Variants in SPATA6 observed in about 807,000 individuals in gnomAD.
The protein encoded by SPATA6 is spermatogenesis-associated protein 6.
A neutral mutation model predicts 65.3 loss-of-function variants in SPATA6; 56 were observed. That is an observed-to-expected ratio of 0.86 (90% confidence interval 0.69 to 1.07). The LOEUF is 1.07. Ranked by LOEUF, SPATA6 falls within the 50% of genes least tolerant of loss-of-function variation. The pLI is 0.00. For synonymous variants in SPATA6, 199 were observed against 213.2 expected, an observed-to-expected ratio of 0.93 and a Z score of 0.58; for missense variants, 590 against 594.8, an observed-to-expected ratio of 0.99 and a Z score of 0.08.
chr1:48,434,259 G>GAAAAAAAAAAAAAAAAAAAAAAAAA (rs530291772), intron 3 of SPATA6, among the ~76,000 whole-genome samples: 1 of 109,896 alleles, frequency 9.1e-6, no homozygotes, highest in Non-Finnish European at 1.8e-5. Flanking sequence ...AGCAGTGAAA[G>GAAAAAAAAAAAAAAAAAAAAAAAAA]AAAAAAAAAA....
intron 9 of SPATA6, among the ~76,000 whole-genome samples, chr1:48,384,575 G>T (rs1222356759): frequency 6.6e-6 from 1 of 152,014 alleles, no homozygotes; most frequent in Non-Finnish European, 1.5e-5. Context: ...TACCCAAAAT[G>T]ATTTTAGAAG....
At chr1:48,456,285 G>A (rs948083118) in intron 1 of SPATA6, among the ~76,000 whole-genome samples, 8 of 152,174 alleles carry the variant, frequency 5.3e-5, no homozygotes, top group African/African-American at 1.7e-4. Flanking sequence ...ATTGAGCAAA[G>A]CCATCAGTGG....
intron 5 of SPATA6, among the ~76,000 whole-genome samples, chr1:48,404,802 C>G (rs1452248714): frequency 3.3e-5 from 5 of 152,186 alleles, no homozygotes; most frequent in Admixed American, 3.3e-4. Context: ...ATATTTCTAA[C>G]ATTTCAATCA....
chr1:48,278,802 C>A, the SPATA6 span, among the ~76,000 whole-genome samples: 1 of 152,154 alleles, frequency 6.6e-6, no homozygotes, highest in Non-Finnish European at 1.5e-5. Context: ...GCAAGGGAGG[C>A]CAACATTCAG....
chr1:48,323,715 T>C (rs1001458030), intron 11 of SPATA6, among the ~76,000 whole-genome samples: 2 of 150,338 alleles, frequency 1.3e-5, no homozygotes, highest in South Asian at 2.1e-4. Flanking sequence ...CATTAGAGGA[T>C]ACTACGAGCG....
intron 3 of SPATA6, among the ~76,000 whole-genome samples, chr1:48,443,859 C>T (rs1655751199): frequency 1.3e-5 from 2 of 152,154 alleles, no homozygotes; most frequent in South Asian, 2.1e-4. Flanking sequence ...CCTCTAGGAT[C>T]CAGGCCATCA....
intron 12 of SPATA6, among the ~76,000 whole-genome samples, chr1:48,300,030 A>C (rs754130733): frequency 7.9e-5 from 12 of 152,126 alleles, no homozygotes; most frequent in South Asian, 2.1e-4. Context: ...AGAGAGAGAG[A>C]GCGAGCGCAT....
At chr1:48,436,227 T>C in intron 3 of SPATA6, 6 of 1,613,386 alleles carry the variant, frequency 3.7e-6, no homozygotes, top group Non-Finnish European at 5.1e-6. Flanking sequence ...CACTGGTAAC[T>C]ATAAAAATTA....
intron 9 of SPATA6, among the ~76,000 whole-genome samples, chr1:48,363,501 A>G (rs1421134480): frequency 6.6e-6 from 1 of 152,154 alleles, no homozygotes; most frequent in Non-Finnish European, 1.5e-5. Flanking sequence ...ATTTGACACA[A>G]AAATTAAATG....
intron 11 of SPATA6, among the ~76,000 whole-genome samples, chr1:48,339,958 A>C (rs1018991514): frequency 6.6e-6 from 1 of 152,060 alleles, no homozygotes; most frequent in African/African-American, 2.4e-5. Context: ...AGAAAGTCTG[A>C]GTACACCAAG....
intron 9 of SPATA6, among the ~76,000 whole-genome samples, chr1:48,368,760 G>A (rs549823717): frequency 6.6e-6 from 1 of 152,268 alleles, no homozygotes; most frequent in South Asian, 2.1e-4. Context: ...GTAGCTCGGA[G>A]TAGTTTGATC....
chr1:48,358,301 C>A (rs1646712878), intron 10 of SPATA6, among the ~76,000 whole-genome samples: 1 of 151,246 alleles, frequency 6.6e-6, no homozygotes, highest in African/African-American at 2.4e-5. Context: ...TTGGAGAGTT[C>A]TGCAAAATAT....
At chr1:48,337,605 T>C (rs1014934980) in intron 11 of SPATA6, among the ~76,000 whole-genome samples, 3 of 151,974 alleles carry the variant, frequency 2.0e-5, no homozygotes, top group African/African-American at 4.8e-5. Context: ...TTATTATACA[T>C]TAGAACACTC....
rs1649346456 is a variant in SPATA6, at chr1:48,385,314, A to G, written c.904T>C (p.Tyr302His). 1.9e-6 allele frequency: 3 copies of G among 1,607,616 alleles called. No homozygotes were observed. The highest frequency in any genetic ancestry group is 2.5e-6 in the Non-Finnish European group (3 of 1,177,794). Residue 302 changes from tyrosine (Y) to histidine (H), a missense_variant, in exon 9 of 13, where the codon TAT becomes CAT. Transcript: ENST00000371847. Reference sequence around the variant, plus strand: ...CTACAATTCATTCTACACACCTTATAATCCTTGGGTCGGCAGCAGCCAAGA... The same window carrying G: ...CTACAATTCATTCTACACACCTTATGATCCTTGGGTCGGCAGCAGCCAAGA... Reference protein sequence around the residue: ...SHLGCCRPKDYKVIRTPHGRD... With the variant: ...SHLGCCRPKDHKVIRTPHGRD...
chr1:48,461,678 A>G (rs1027663190), intron 1 of SPATA6, among the ~76,000 whole-genome samples: 4 of 152,214 alleles, frequency 2.6e-5, no homozygotes, highest in Non-Finnish European at 5.9e-5. Flanking sequence ...GGCAATCATT[A>G]AAAAGTCAGG....
At chr1:48,351,987 G>C (rs1215380480) in intron 11 of SPATA6, among the ~76,000 whole-genome samples, 2 of 151,990 alleles carry the variant, frequency 1.3e-5, no homozygotes, top group Non-Finnish European at 2.9e-5. Flanking sequence ...TCTTCAGTTA[G>C]TTATTGTATT....
At chr1:48,317,099 C>T (rs796726828) in intron 11 of SPATA6, among the ~76,000 whole-genome samples, 9 of 152,166 alleles carry the variant, frequency 5.9e-5, no homozygotes, top group South Asian at 4.1e-4. Context: ...ACTAGTTCAA[C>T]GATTGTGGAG....
chr1:48,385,471 T>TC, intron 8 of SPATA6, 122 bp from the exon 9 acceptor site: 1 of 742,500 alleles, frequency 1.3e-6, no homozygotes, highest in South Asian at 2.7e-5. Context: ...TCAAAATCCT[T>TC]CAACAGTGTT....
At chr1:48,365,593 G>A (rs1030027919) in intron 9 of SPATA6, among the ~76,000 whole-genome samples, 1 of 151,178 alleles carries the variant, frequency 6.6e-6, no homozygotes, top group Non-Finnish European at 1.5e-5. Context: ...TGATTTGGCT[G>A]TTTGTCTGTT....
Sources: allele counts gnomAD v4.1 joint callset (sites outside exome capture counted in the v4.1 genomes callset), GRCh38; gene constraint gnomAD v4.1.1; transcripts MANE v1.5; gene names NCBI Gene and HGNC (gene_info 2026-07-23, HGNC 2026-07-21).